Variants in GNA14 observed in about 807,000 individuals in gnomAD.
GNA14 encodes G protein subunit alpha 14.
In GNA14, 50 loss-of-function variants were observed where a neutral mutation model predicts 42.0. The observed-to-expected ratio is 1.19, with a 90% CI of 0.95 to 1.51. The LOEUF (loss-of-function observed/expected upper bound fraction) is 1.51. Among genes scored for constraint, GNA14 ranks in the 40% most tolerant of loss-of-function variants. The probability of loss-of-function intolerance (pLI) is 0.00; values close to 1 mark genes in which losing one functional copy is unlikely to be tolerated. For synonymous variants in GNA14, 173 were observed against 163.1 expected, an observed-to-expected ratio of 1.06 and a Z score of -0.46; for missense variants, 473 against 446.2, an observed-to-expected ratio of 1.06 and a Z score of -0.54.
At chr9:77,635,439 G>A (rs1824168635) in intron 1 of GNA14, 2 of 152,088 alleles carry the variant, frequency 1.3e-5, no homozygotes, top group African/African-American at 4.8e-5. Flanking sequence ...ATACACAGAG[G>A]TTTCTTTTCT....
intron 1 of GNA14, among the ~76,000 whole-genome samples, chr9:77,557,542 G>A (rs1460289948): frequency 6.6e-6 from 1 of 152,168 alleles, no homozygotes; most frequent in Non-Finnish European, 1.5e-5. Flanking sequence ...AATGGCCCAC[G>A]CTTGGGAAAC....
chr9:77,579,899 C>T (rs1823189812), intron 1 of GNA14, among the ~76,000 whole-genome samples: 1 of 152,230 alleles, frequency 6.6e-6, no homozygotes, highest in Non-Finnish European at 1.5e-5. Flanking sequence ...CTCCACATTC[C>T]TCTTGGGAGC....
intron 2 of GNA14, among the ~76,000 whole-genome samples, chr9:77,500,846 G>A (rs571251993): frequency 6.6e-6 from 1 of 152,274 alleles, no homozygotes; most frequent in Admixed American, 6.5e-5. Flanking sequence ...CCAGTTTTTG[G>A]CTATTACAAA....
At chr9:77,477,352 A>C (rs552637772) in intron 2 of GNA14, among the ~76,000 whole-genome samples, 1 of 152,262 alleles carries the variant, frequency 6.6e-6, no homozygotes, top group Non-Finnish European at 1.5e-5. Flanking sequence ...GTCTCAGAAA[A>C]AGAAAAGGAA....
At chr9:77,599,958 A>G (rs1340049925) in intron 1 of GNA14, among the ~76,000 whole-genome samples, 1 of 152,248 alleles carries the variant, frequency 6.6e-6, no homozygotes, top group Non-Finnish European at 1.5e-5. Context: ...CAAGGTAACA[A>G]TATTTCCTTT....
rs369194159 is a variant in GNA14, at chr9:77,577,223, T to A, written c.125-47970A>T. Among the ~76,000 whole-genome samples the A allele has an allele frequency of 5.3e-5, 8 of 152,288 alleles. No individual in the cohort carries two copies. The East Asian group carries it at 1.3e-3, about 26-fold the overall frequency. On this transcript the variant is annotated intron_variant, in intron 1 of 6. Coordinates refer to ENST00000341700, the MANE Select transcript of GNA14 (RefSeq NM_004297.4). ...TCATTTTACTTACAACCAAGCTAAA[T>A]GAGCTTGGACACCTGAATTTACTGC... is the stretch of plus-strand genomic sequence containing the variant.
chr9:77,627,566 C>G (rs1025909765), intron 1 of GNA14, among the ~76,000 whole-genome samples: 1 of 152,196 alleles, frequency 6.6e-6, no homozygotes, highest in Non-Finnish European at 1.5e-5. Flanking sequence ...AGCTTCATCC[C>G]TGGGATGCCA....
intron 1 of GNA14, among the ~76,000 whole-genome samples, chr9:77,642,261 C>T (rs1020434628): frequency 7.9e-5 from 12 of 152,254 alleles, no homozygotes; most frequent in East Asian, 1.9e-4. Flanking sequence ...AGAAGAGGTA[C>T]GTGCATTTGC....
intron 2 of GNA14, among the ~76,000 whole-genome samples, chr9:77,511,415 A>C (rs1186454811): frequency 1.3e-5 from 2 of 152,176 alleles, no homozygotes; most frequent in East Asian, 3.8e-4. Flanking sequence ...CCTGCAATTA[A>C]AGGCTCTAGG....
intron 2 of GNA14, among the ~76,000 whole-genome samples, chr9:77,490,195 G>C (rs1237665486): frequency 6.6e-6 from 1 of 152,364 alleles, no homozygotes; most frequent in Middle Eastern, 3.4e-3. Flanking sequence ...TAGATACAGA[G>C]TGTCAAATGG....
chr9:77,549,915 A>G (rs1837768780), intron 1 of GNA14, among the ~76,000 whole-genome samples: 1 of 151,796 alleles, frequency 6.6e-6, no homozygotes, highest in Non-Finnish European at 1.5e-5. Context: ...ATGATCCCAA[A>G]CCCACTTCTA....
chr9:77,592,148 C>A (rs754037479), intron 1 of GNA14, among the ~76,000 whole-genome samples: 1 of 152,046 alleles, frequency 6.6e-6, no homozygotes, highest in Non-Finnish European at 1.5e-5. Context: ...GTGATCCGCC[C>A]GCCTCAGCCT....
intron 1 of GNA14, among the ~76,000 whole-genome samples, chr9:77,601,159 T>A (rs558434793): frequency 5.3e-5 from 8 of 152,296 alleles, no homozygotes; most frequent in African/African-American, 1.4e-4. Flanking sequence ...CCTCTTGCTT[T>A]GCTGAGACGT....
At chr9:77,543,888 C>T (rs73651532) in intron 1 of GNA14, among the ~76,000 whole-genome samples, 1,700 of 152,174 alleles carry the variant, frequency 0.011, 27 homozygotes, top group African/African-American at 0.039. Context: ...TGCCTCCTTC[C>T]CATAAGTGCA....
chr9:77,448,191 C>T (rs557057266), intron 2 of GNA14, among the ~76,000 whole-genome samples: 1 of 152,328 alleles, frequency 6.6e-6, no homozygotes, highest in African/African-American at 2.4e-5. Flanking sequence ...CAGTATGGTC[C>T]ACCAAGGCTA....
chr9:77,496,421 C>T (rs1836869755), intron 2 of GNA14, among the ~76,000 whole-genome samples: 1 of 152,184 alleles, frequency 6.6e-6, no homozygotes. Context: ...TTTATTCAGA[C>T]TCAAGATCCA....
intron 2 of GNA14, among the ~76,000 whole-genome samples, chr9:77,461,920 G>A (rs1182802891): frequency 6.6e-6 from 1 of 152,144 alleles, no homozygotes; most frequent in Non-Finnish European, 1.5e-5. Context: ...CTTTAAGAAT[G>A]TATGGATTCC....
chr9:77,611,942 T>C (rs898805675), intron 1 of GNA14, among the ~76,000 whole-genome samples: 1 of 152,028 alleles, frequency 6.6e-6, no homozygotes, highest in African/African-American at 2.4e-5. Flanking sequence ...GCCCCCAAAA[T>C]GTAAAGTACT....
intron 1 of GNA14, among the ~76,000 whole-genome samples, chr9:77,565,142 T>G (rs1822946681): frequency 6.6e-6 from 1 of 152,244 alleles, no homozygotes. Flanking sequence ...TTTGTATACA[T>G]GTAGTACTTG....
Sources: gnomAD v4.1 joint callset for allele counts (sites outside exome capture counted in the v4.1 genomes callset) on GRCh38, gnomAD v4.1.1 for gene constraint, MANE v1.5 for transcripts, NCBI Gene and HGNC (gene_info 2026-07-23, HGNC 2026-07-21) for gene names.